Variants in GDF7 observed in about 807,000 individuals in gnomAD.
GDF7 encodes the protein growth/differentiation factor 7.
GDF7 carries 12 observed loss-of-function variants against 13.4 expected under a neutral mutation model. The observed-to-expected ratio is 0.90, with a 90% CI of 0.57 to 1.45. The LOEUF is 1.45. Ranked by LOEUF, GDF7 falls within the 40% of genes most tolerant of loss-of-function variation. The pLI is 0.00. For synonymous variants in GDF7, 330 were observed against 306.4 expected (o/e 1.08, Z -0.80); for missense variants, 651 against 652.4 (o/e 1.00, Z 0.02).
In GDF7 at chr2:20,671,556, C is replaced by A. The variant is rs188107344; in HGVS notation, c.*131C>A. 1.2e-5 allele frequency: 10 copies of A among 834,372 alleles called. No homozygotes were observed. Among genetic ancestry groups the A allele is most frequent in the Non-Finnish European group, 1.7e-5 (9 of 536,582 alleles). The allele number at this position is 834,372 out of a possible 1,614,324, so 51.7% of individuals were successfully genotyped here. ...GCACCCTCTCAGAGGAGGGAGAGCACACGTTCACACTCACACACACTCGTG... is the reference window on the plus strand; with the variant it reads ...GCACCCTCTCAGAGGAGGGAGAGCAAACGTTCACACTCACACACACTCGTG... On this transcript the variant is annotated 3_prime_UTR_variant, in exon 2 of 2. Transcript: ENST00000272224.
intron 1 of GDF7, among the ~76,000 whole-genome samples, chr2:20,668,978 T>G (rs1431821159): frequency 6.6e-6 from 1 of 152,160 alleles, no homozygotes; most frequent in Non-Finnish European, 1.5e-5. Flanking sequence ...CACCAGAGTC[T>G]TCTTAAGGTT....
At position 20,670,758 on chromosome 2, in the gene GDF7, C is replaced by T. The variant is rs1330542434; in HGVS notation, c.686C>T (p.Ala229Val). 2 of 1,487,130 alleles carry T rather than the reference C, an allele frequency of 1.3e-6. No individual in the cohort carries two copies. Among genetic ancestry groups the T allele is most frequent in the East Asian group, 5.3e-5 (2 of 37,636 alleles). 92.1% of individuals were successfully genotyped at this position (1,487,130 alleles called of 1,614,324 possible). Residue 229 changes from alanine (A) to valine (V), a missense_variant, in exon 2 of 2, where the codon GCG (alanine) becomes GTG (valine). Coordinates refer to ENST00000272224, the MANE Select transcript of GDF7 (RefSeq NM_182828.4). ...RHRREPRPPRAFCLLLRAVAG... is the reference protein window; with the variant it reads ...RHRREPRPPRVFCLLLRAVAG... The stretch of plus-strand genomic sequence containing the variant: ...CGTCGTGAACCGCGCCCCCCCCGCG[C>T]GTTCTGCCTCTTGCTGCGCGCAGTG...
chr2:20,670,979 C>A lies in GDF7; in HGVS notation c.907C>A (p.Pro303Thr), dbSNP rs1662111138. 1.3e-6 allele frequency: 2 copies of A among 1,556,878 alleles called. No homozygotes were observed. The highest frequency in any genetic ancestry group is 1.8e-5 in the Admixed American group (1 of 56,316). Residue 303 changes from proline to threonine, a missense_variant, in exon 2 of 2, where the codon CCA (proline) becomes ACA (threonine). Around this residue, in one of 4 missense-constraint regions of GDF7, gnomAD observed 487 missense variants for 445.9 expected, o/e 1.09. Transcript: ENST00000272224. ...TCTGGCCTCAGAGCCGCTGCCCGAC[C>A]CAGGAACCGGCACCGCGTCGCCAAG... ...AALASEPLPD[P>T]GTGTASPRAV...
chr2:20,667,356 C>G lies in GDF7; in HGVS notation c.117C>G (p.Ser39Arg), dbSNP rs1695980721. The G allele has an allele frequency of 1.0e-6, 1 of 975,134 alleles. No homozygotes were observed. The highest frequency in any genetic ancestry group is 1.2e-6 in the Non-Finnish European group (1 of 834,806). 60.4% of individuals were successfully genotyped at this position (975,134 alleles called of 1,614,324 possible). The change falls in exon 1 of 2, where the codon AGC (serine) becomes AGG (arginine). Residue 39 changes from serine to arginine, a missense_variant. This residue lies in a region of GDF7 where 61 missense variants were observed against 50.5 expected (regional missense o/e 1.21). Transcript: ENST00000272224. The surrounding 1 kb of genome is among the most constrained non-coding windows in gnomAD (Gnocchi z 6.4). ...CGGCGGGGGCTGGGCCGGTCCGGAG[C>G]CCAGGGGGCGGCGGCGGCGGCGGCG... Reference protein sequence around the residue: ...LRAAGAGPVRSPGGGGGGGGG... With the variant: ...LRAAGAGPVRRPGGGGGGGGG...
At position 20,671,458 on chromosome 2, in the gene GDF7, C is replaced by T. The variant is rs535056733; in HGVS notation, c.*33C>T. 4 of 1,592,628 alleles carry T rather than the reference C, an allele frequency of 2.5e-6. No individual in the cohort carries two copies. The Admixed American group carries it at 5.1e-5, about 20-fold the overall frequency. ...GCCGGGGAGGGGGCAGCCACGCGGC[C>T]GAGGATCCCCAGCTGATGAGCAGCA... On this transcript the variant is annotated 3_prime_UTR_variant, in exon 2 of 2. Transcript: ENST00000272224.
In GDF7 at chr2:20,667,539, CG is replaced by C; in HGVS notation, c.303del (p.Arg102GlyfsTer102). 1 of 1,455,150 alleles carries C rather than the reference CG, an allele frequency of 6.9e-7. No individual in the cohort carries two copies. The highest frequency in any genetic ancestry group is 9.0e-7 in the Non-Finnish European group (1 of 1,109,644). The allele number at this position is 1,455,150 out of a possible 1,614,324, so 90.1% of individuals were successfully genotyped here. ...TGATGTCGCTTTACCGGAGCCTGGC[CG>C]GGAGGGCTCCGGCCGGGGCAGCCGC... is the stretch of plus-strand genomic sequence containing the variant. ...FMMSLYRSLA[G>X]RAPAGAAAVS... On this transcript the variant is annotated frameshift_variant, in exon 1 of 2. Coordinates refer to ENST00000272224, the MANE Select transcript of GDF7 (RefSeq NM_182828.4). LOFTEE classifies it high-confidence loss of function. The surrounding 1 kb of genome is among the most constrained non-coding windows in gnomAD (Gnocchi z 6.4).
intron 1 of GDF7, among the ~76,000 whole-genome samples, chr2:20,669,444 A>C (rs111283164): frequency 6.4e-5 from 1 of 15,680 alleles, no homozygotes. Flanking sequence ...TTCTGAGCCC[A>C]AAAAGGAAAA....
chr2:20,669,424 CTT>C (rs11337661), intron 1 of GDF7, among the ~76,000 whole-genome samples: 26 of 150,608 alleles, frequency 1.7e-4, no homozygotes, highest in Middle Eastern at 6.8e-3. Flanking sequence ...GAATTTTAAA[CTT>C]TTTTTTTTTC....
Position 20,670,994 on chromosome 2 carries a change from G to A in GDF7, c.922G>A (p.Ala308Thr), listed in dbSNP as rs1168740028. ...EPLPDPGTGT[A>T]SPRAVIGGRR... ...GCTGCCCGACCCAGGAACCGGCACC[G>A]CGTCGCCAAGGGCAGTCATTGGCGG... is the stretch of plus-strand genomic sequence containing the variant. The change falls in exon 2 of 2, where the codon GCG becomes ACG. Residue 308 changes from alanine to threonine, a missense_variant. Physicochemically the swap from Ala to Thr is moderately conservative, Grantham distance 58. Transcript: ENST00000272224. The A allele has an allele frequency of 6.4e-7, 1 of 1,551,028 alleles. No individual in the cohort carries two copies. The highest frequency in any genetic ancestry group is 8.7e-7 in the Non-Finnish European group (1 of 1,153,428).
rs1048404066 is a variant in GDF7, at chr2:20,679,214, A to G, written c.*7789A>G. On this transcript the variant is annotated 3_prime_UTR_variant, in exon 2 of 2. Transcript: ENST00000272224. The stretch of plus-strand genomic sequence containing the variant: ...TTAACCATTTTAATATTTTGTACAG[A>G]TAAGTTGATTAAATATTTTATTCAT... 3 of 152,266 alleles carry G rather than the reference A, an allele frequency of 2.0e-5. No individual in the cohort carries two copies. The highest frequency in any genetic ancestry group is 1.3e-4 in the Admixed American group (2 of 15,288). 9.4% of individuals were successfully genotyped at this position (152,266 alleles called of 1,614,324 possible). A position where few individuals can be genotyped will look rare whatever the true frequency, so the allele number is the denominator to read the frequency against.
chr2:20,670,788 G>T lies in GDF7; in HGVS notation c.716G>T (p.Gly239Val). The change falls in exon 2 of 2, where the codon GGC becomes GTC. Residue 239 changes from glycine to valine, a missense_variant. Gly to Val is a moderately radical substitution (Grantham distance 109). Transcript: ENST00000272224. ...AFCLLLRAVA[G>V]PVPSPLALRR... ...TGCCTCTTGCTGCGCGCAGTGGCAG[G>T]CCCGGTGCCGAGCCCGTTGGCACTG... 1 of 1,484,944 alleles carries T rather than the reference G, an allele frequency of 6.7e-7. No homozygotes were observed. The highest frequency in any genetic ancestry group is 1.3e-5 in the South Asian group (1 of 76,848). 92.0% of individuals were successfully genotyped at this position (1,484,944 alleles called of 1,614,324 possible). A position where few individuals can be genotyped will look rare whatever the true frequency, so the allele number is the denominator to read the frequency against.
rs1330663756 is a variant in GDF7, at chr2:20,672,270, G to T, written c.*845G>T. The T allele has an allele frequency of 6.6e-6, 1 of 152,206 alleles. No homozygotes were observed. The highest frequency in any genetic ancestry group is 2.4e-5 in the African/African-American group (1 of 41,446). 9.4% of individuals were successfully genotyped at this position (152,206 alleles called of 1,614,324 possible). ...GCCAGGTTCGGAAGCTCCCCAGTTGGTCAGGGGGAGGTGGGAGCCATGCCT... is the reference window on the plus strand; with the variant it reads ...GCCAGGTTCGGAAGCTCCCCAGTTGTTCAGGGGGAGGTGGGAGCCATGCCT... On this transcript the variant is annotated 3_prime_UTR_variant, in exon 2 of 2. Coordinates refer to ENST00000272224, the MANE Select transcript of GDF7 (RefSeq NM_182828.4).
rs1261307993 is a variant in GDF7, at chr2:20,671,099, C to A, written c.1027C>A (p.Arg343Ser). Residue 343 changes from arginine (R) to serine (S), a missense_variant, in exon 2 of 2, where the codon CGC becomes AGC. By Grantham distance (110) the Arg-to-Ser change is moderately radical. This residue lies in a region of GDF7 where 487 missense variants were observed against 445.9 expected (regional missense o/e 1.09). Coordinates refer to ENST00000272224, the MANE Select transcript of GDF7 (RefSeq NM_182828.4). Reference sequence around the variant, plus strand: ...CGGGGGCGCGGGCCGGGGCCACGGGCGCAGGGGCCGGAGCCGCTGCAGCCG... The same window carrying A: ...CGGGGGCGCGGGCCGGGGCCACGGGAGCAGGGGCCGGAGCCGCTGCAGCCG... The part of the protein sequence containing the change: ...SGGGAGRGHG[R>S]RGRSRCSRKP... The A allele has an allele frequency of 1.3e-6, 2 of 1,567,656 alleles. No homozygotes were observed. Among genetic ancestry groups the A allele is most frequent in the Admixed American group, 1.8e-5 (1 of 54,254 alleles).
Position 20,672,350 on chromosome 2 carries a change from G to C in GDF7, c.*925G>C, listed in dbSNP as rs1266194572. On this transcript the variant is annotated 3_prime_UTR_variant, in exon 2 of 2. Coordinates refer to ENST00000272224, the MANE Select transcript of GDF7 (RefSeq NM_182828.4). ...GGCCCGGAATGGGGAAGGTGGGGCT[G>C]GGGGAGGGGAGCTACTGCTTTTCCT... The C allele has an allele frequency of 2.0e-5, 3 of 152,208 alleles. No individual in the cohort carries two copies. Among genetic ancestry groups the C allele is most frequent in the African/African-American group, 7.2e-5 (3 of 41,408 alleles). 9.4% of individuals were successfully genotyped at this position (152,208 alleles called of 1,614,324 possible). A position where few individuals can be genotyped will look rare whatever the true frequency, so the allele number is the denominator to read the frequency against.
rs909630131 is a variant in GDF7 at position 20,667,189 on chromosome 2, T to A, written c.-51T>A. ...CTATGTTCAAAAGGCGCCGGGGGACTTCCCGGAGCCACGGAGCCCGCGCCG... is the reference window on the plus strand; with the variant it reads ...CTATGTTCAAAAGGCGCCGGGGGACATCCCGGAGCCACGGAGCCCGCGCCG... On this transcript the variant is annotated 5_prime_UTR_variant, in exon 1 of 2. Transcript: ENST00000272224. This position sits in a 1 kb window ranked among gnomAD's most constrained non-coding sequence, Gnocchi z 6.4. The A allele has an allele frequency of 9.1e-7, 1 of 1,097,790 alleles. No homozygotes were observed. The highest frequency in any genetic ancestry group is 1.1e-6 in the Non-Finnish European group (1 of 902,756). The allele number at this position is 1,097,790 out of a possible 1,614,324, so 68.0% of individuals were successfully genotyped here. A position where few individuals can be genotyped will look rare whatever the true frequency, so the allele number is the denominator to read the frequency against.
rs998656955 is a variant in GDF7, at chr2:20,667,449, C to A, written c.210C>A (p.Ala70=). The stretch of plus-strand genomic sequence containing the variant: ...TCCCGGCCGCCGCGGTTCCCCGGGC[C>A]CGCGCCGCGCGCCGCGCCGCGGGCT... ...AAVPAAAVPR[A]RAARRAAGSG... Residue 70 remains alanine (A), a synonymous_variant, in exon 1 of 2, where the codon GCC becomes GCA. Transcript: ENST00000272224. The surrounding 1 kb of genome is among the most constrained non-coding windows in gnomAD (Gnocchi z 6.4). The A allele has an allele frequency of 1.8e-6, 2 of 1,126,840 alleles. No homozygotes were observed. Among genetic ancestry groups the A allele is most frequent in the African/African-American group, 1.7e-5 (1 of 59,788 alleles). The allele number at this position is 1,126,840 out of a possible 1,614,324, so 69.8% of individuals were successfully genotyped here.
intron 1 of GDF7, among the ~76,000 whole-genome samples, chr2:20,668,412 A>G (rs1485343481): frequency 6.6e-6 from 1 of 152,226 alleles, no homozygotes; most frequent in Non-Finnish European, 1.5e-5. Flanking sequence ...GGTAAGATGT[A>G]GGTGAGGCTG....
At position 20,671,968 on chromosome 2, in the gene GDF7, C is replaced by T. The variant is rs1206443906; in HGVS notation, c.*543C>T. 2 of 152,456 alleles carry T rather than the reference C, an allele frequency of 1.3e-5. No individual in the cohort carries two copies. Among genetic ancestry groups the T allele is most frequent in the Non-Finnish European group, 2.9e-5 (2 of 68,270 alleles). The allele number at this position is 152,456 out of a possible 1,614,324, so 9.4% of individuals were successfully genotyped here. ...TTTGTGTTGCATGGGGCCGTTTACC[C>T]TGGAACTGCTGCAAAAAGCATCTTT... On this transcript the variant is annotated 3_prime_UTR_variant, in exon 2 of 2. Coordinates refer to ENST00000272224, the MANE Select transcript of GDF7 (RefSeq NM_182828.4).
In GDF7 at chr2:20,671,167, C is replaced by G; in HGVS notation, c.1095C>G (p.Asp365Glu). 2 of 1,613,402 alleles carry G rather than the reference C, an allele frequency of 1.2e-6. No homozygotes were observed. Among genetic ancestry groups the G allele is most frequent in the Non-Finnish European group, 1.7e-6 (2 of 1,179,854 alleles). ...HVDFKELGWD[D>E]WIIAPLDYEA... Reference sequence around the variant, plus strand: ...ACTTCAAGGAGCTCGGCTGGGACGACTGGATCATCGCGCCGCTGGACTACG... The same window carrying G: ...ACTTCAAGGAGCTCGGCTGGGACGAGTGGATCATCGCGCCGCTGGACTACG... Residue 365 changes from aspartate (D) to glutamate (E), a missense_variant, in exon 2 of 2, where the codon GAC (aspartate) becomes GAG (glutamate). Physicochemically the swap from Asp to Glu is conservative, Grantham distance 45. Coordinates refer to ENST00000272224, the MANE Select transcript of GDF7 (RefSeq NM_182828.4).
Sources: allele counts gnomAD v4.1 joint callset (sites outside exome capture counted in the v4.1 genomes callset), GRCh38; gene constraint gnomAD v4.1.1; regional missense constraint gnomAD v4.1.1; non-coding constraint Gnocchi (gnomAD v3.1); transcripts MANE v1.5; gene names NCBI Gene and HGNC (gene_info 2026-07-23, HGNC 2026-07-21).